CNTNAP5: variants seen among roughly 807,000 people sequenced by gnomAD.
CNTNAP5 encodes the protein contactin associated protein family member 5, also known as contactin-associated protein-like 5.
A neutral mutation model predicts 150.2 loss-of-function variants in CNTNAP5; 72 were observed. That is an observed-to-expected ratio of 0.48 (90% CI 0.40 to 0.58). The LOEUF (loss-of-function observed/expected upper bound fraction) is 0.58, where lower values mean the gene tolerates loss of function less well. Among genes scored for constraint, CNTNAP5 ranks in the 20% least tolerant of loss-of-function variants. The probability of loss-of-function intolerance (pLI) is 0.00; values close to 1 mark genes in which losing one functional copy is unlikely to be tolerated. For synonymous variants in CNTNAP5, 672 were observed against 619.8 expected, an observed-to-expected ratio of 1.08 and a Z score of -1.25; for missense variants, 1,636 against 1,626.2, an observed-to-expected ratio of 1.01 and a Z score of -0.10.
chr2:124,737,598 T>G (rs1233539076), intron 13 of CNTNAP5, among the ~76,000 whole-genome samples: 1 of 152,146 alleles, frequency 6.6e-6, no homozygotes, highest in Non-Finnish European at 1.5e-5. Flanking sequence ...TGGGATTTGT[T>G]TCTTGTTGCA....
intron 14 of CNTNAP5, among the ~76,000 whole-genome samples, chr2:124,762,236 G>T (rs1680971197): frequency 6.6e-6 from 1 of 152,096 alleles, no homozygotes; most frequent in African/African-American, 2.4e-5. Context: ...TGTAGATATT[G>T]TATGGTATAT....
chr2:124,177,879 C>T (rs368969743), intron 1 of CNTNAP5, among the ~76,000 whole-genome samples: 85 of 148,962 alleles, frequency 5.7e-4, no homozygotes, highest in Admixed American at 8.7e-4. Flanking sequence ...CAGAGTTTCG[C>T]TCTGTTGCCT....
intron 3 of CNTNAP5, among the ~76,000 whole-genome samples, chr2:124,352,402 G>A (rs1052325948): frequency 6.6e-6 from 1 of 152,180 alleles, no homozygotes; most frequent in Non-Finnish European, 1.5e-5. Flanking sequence ...CCTCAAGTGA[G>A]TTAAGTAGTT....
chr2:124,308,008 A>G (rs1297106527), intron 3 of CNTNAP5, among the ~76,000 whole-genome samples: 2 of 152,140 alleles, frequency 1.3e-5, no homozygotes, highest in African/African-American at 4.8e-5. Context: ...TCTGAGTGCC[A>G]GGTACTCTGT....
At chr2:124,838,052 G>GATGATA (rs1175620691) in intron 19 of CNTNAP5, among the ~76,000 whole-genome samples, 1 of 152,118 alleles carries the variant, frequency 6.6e-6, no homozygotes, top group Non-Finnish European at 1.5e-5. Context: ...TAGTGATGAT[G>GATGATA]ATGATAATGA....
At chr2:124,304,564 T>C (rs1688635016) in intron 3 of CNTNAP5, among the ~76,000 whole-genome samples, 1 of 151,064 alleles carries the variant, frequency 6.6e-6, no homozygotes, top group African/African-American at 2.5e-5. Flanking sequence ...TGTAAAGAAT[T>C]CTTAAGTAGG....
At chr2:124,647,733 G>C in intron 12 of CNTNAP5, 25 bp from the exon 13 acceptor site, 1 of 1,559,640 alleles carries the variant, frequency 6.4e-7, no homozygotes, top group African/African-American at 1.4e-5. Flanking sequence ...AACGTCTCTT[G>C]CTTTGTGTTG....
chr2:124,690,675 C>T (rs2105078701), intron 13 of CNTNAP5, among the ~76,000 whole-genome samples: 1 of 152,140 alleles, frequency 6.6e-6, no homozygotes, highest in East Asian at 1.9e-4. Flanking sequence ...TTTCTAGCCT[C>T]TTCACATTTT....
chr2:124,800,251 G>C (rs567689053), intron 19 of CNTNAP5, among the ~76,000 whole-genome samples: 4 of 152,168 alleles, frequency 2.6e-5, no homozygotes, highest in African/African-American at 9.7e-5. Context: ...TTTTTCCAAA[G>C]CATCTTTTGG....
chr2:124,241,457 T>C (rs1686884243), intron 2 of CNTNAP5, among the ~76,000 whole-genome samples: 1 of 152,178 alleles, frequency 6.6e-6, no homozygotes, highest in Non-Finnish European at 1.5e-5. Flanking sequence ...TGCACTTGCC[T>C]CAGGTTTCAC....
At chr2:124,359,186 C>T (rs1456789102) in intron 3 of CNTNAP5, among the ~76,000 whole-genome samples, 4 of 151,778 alleles carry the variant, frequency 2.6e-5, no homozygotes, top group South Asian at 2.1e-4. Flanking sequence ...CTATTTGATC[C>T]TTCTCTCTTT....
chr2:124,562,834 A>C (rs187605203), intron 10 of CNTNAP5, among the ~76,000 whole-genome samples: 1 of 152,008 alleles, frequency 6.6e-6, no homozygotes, highest in Non-Finnish European at 1.5e-5. Context: ...CCTCTCCTTT[A>C]AAAATACAAA....
intron 3 of CNTNAP5, among the ~76,000 whole-genome samples, chr2:124,317,723 C>T (rs1185216021): frequency 3.3e-5 from 5 of 152,134 alleles, no homozygotes; most frequent in Non-Finnish European, 7.3e-5. Context: ...TACAGTTGCC[C>T]AATTGCAGAT....
At chr2:124,647,697 C>T (rs1678231974) in intron 12 of CNTNAP5, 61 bp from the exon 13 acceptor site, 2 of 1,478,874 alleles carry the variant, frequency 1.4e-6, no homozygotes, top group South Asian at 2.7e-5. Flanking sequence ...ACACTGCTCA[C>T]ATGCTCCATT....
chr2:124,335,194 T>G (rs1689442097), intron 3 of CNTNAP5, among the ~76,000 whole-genome samples: 2 of 152,132 alleles, frequency 1.3e-5, no homozygotes, highest in African/African-American at 4.8e-5. Flanking sequence ...GGGTAGGCAC[T>G]TCTGGTATTA....
chr2:124,401,056 G>T lies in CNTNAP5; in HGVS notation c.382-16387G>T, dbSNP rs184565170. ...TAATTTTTGTATTTTTAGTAGAAAC[G>T]GGGTTTCACTATGTTGGCCAGGCTG... On this transcript the variant is annotated intron_variant, in intron 3 of 23. Coordinates refer to ENST00000682447, the MANE Select transcript of CNTNAP5 (RefSeq NM_001367498.1). Among the ~76,000 whole-genome samples the T allele has an allele frequency of 1.3e-3, 193 of 152,130 alleles. 1 individual carries two copies. The highest frequency in any genetic ancestry group is 4.4e-3 in the African/African-American group (184 of 41,518).
intron 12 of CNTNAP5, among the ~76,000 whole-genome samples, chr2:124,623,295 A>T (rs1001951566): frequency 1.3e-5 from 2 of 152,166 alleles, no homozygotes; most frequent in Admixed American, 1.3e-4. Context: ...AGCTAGGCTG[A>T]TCTTTAAAAA....
intron 14 of CNTNAP5, among the ~76,000 whole-genome samples, chr2:124,761,212 C>CGA (rs1443688530): frequency 6.6e-6 from 1 of 152,108 alleles, no homozygotes; most frequent in Non-Finnish European, 1.5e-5. Context: ...ATGACGATCA[C>CGA]CACTACCATC....
At chr2:124,533,798 G>A (rs911832019) in intron 10 of CNTNAP5, among the ~76,000 whole-genome samples, 4 of 152,178 alleles carry the variant, frequency 2.6e-5, no homozygotes, top group Non-Finnish European at 5.9e-5. Context: ...CCTCTGGCAC[G>A]CCTCAGTGAG....
Sources: allele counts gnomAD v4.1 joint callset (sites outside exome capture counted in the v4.1 genomes callset), GRCh38; gene constraint gnomAD v4.1.1; transcripts MANE v1.5; gene names NCBI Gene and HGNC (gene_info 2026-07-23, HGNC 2026-07-21).